Variants in SSBP3 observed in about 807,000 individuals in gnomAD.
SSBP3 encodes single stranded DNA binding protein 3, also known as single-stranded DNA-binding protein 3.
SSBP3 carries 5 observed loss-of-function variants against 69.6 expected under a neutral mutation model. The ratio of observed to expected loss-of-function variants is 0.07; its 90% CI spans 0.04 to 0.15. The LOEUF is 0.15. Among genes scored for constraint, SSBP3 ranks in the 10% least tolerant of loss-of-function variants. SSBP3 has a pLI of 1.00. For synonymous variants in SSBP3, 196 were observed against 193.4 expected, an observed-to-expected ratio of 1.01 and a Z score of -0.11; for missense variants, 312 against 534.0, an observed-to-expected ratio of 0.58 and a Z score of 4.10.
intron 4 of SSBP3, among the ~76,000 whole-genome samples, chr1:54,300,224 CAA>C (rs1229374101): frequency 6.6e-6 from 1 of 152,170 alleles, no homozygotes; most frequent in Non-Finnish European, 1.5e-5. Flanking sequence ...ACAGCAAGAT[CAA>C]ACCCAGGAGA....
intron 4 of SSBP3, among the ~76,000 whole-genome samples, chr1:54,362,997 C>T (rs1020570073): frequency 6.6e-6 from 1 of 152,126 alleles, no homozygotes; most frequent in Non-Finnish European, 1.5e-5. Flanking sequence ...TGTTGTCTTA[C>T]TAAGACTCCA....
chr1:54,233,632 G>T (rs1644429332), intron 14 of SSBP3, among the ~76,000 whole-genome samples: 1 of 149,668 alleles, frequency 6.7e-6, no homozygotes, highest in South Asian at 2.1e-4. Context: ...TCCGGGAGGT[G>T]AGGGGCGCCT....
rs573654976 is a variant in SSBP3 at position 54,305,273 on chromosome 1, C to T, written c.277-23746G>A. On this transcript the variant is annotated intron_variant, in intron 4 of 17. Coordinates refer to ENST00000610401, the Ensembl canonical transcript of SSBP3. ...TTTCTCAGCACAGACCCAGGCCCTG[C>T]CCTTCCCAATATCACTGGTCCTCCA... Among the ~76,000 whole-genome samples, 20 of 152,324 alleles carry T rather than the reference C, an allele frequency of 1.3e-4. 1 individual carries two copies. In the South Asian group the frequency reaches 3.3e-3, roughly 25 times the overall value.
chr1:54,259,537 C>T (rs1466837988), intron 5 of SSBP3, among the ~76,000 whole-genome samples: 1 of 152,228 alleles, frequency 6.6e-6, no homozygotes, highest in Admixed American at 6.5e-5. Context: ...CATGACTGTG[C>T]TGTTTTTTAG....
In SSBP3 at chr1:54,228,435, G is replaced by A. The variant is rs375880369; in HGVS notation, c.1035+14C>T. On this transcript the variant is annotated intron_variant, in intron 16 of 17. Transcript: ENST00000610401. ...CAGATGGGGCGCCGCCAGGGAGACCGAGTGCACACTCACTTTTGGAAGTCC... is the reference window on the plus strand; with the variant it reads ...CAGATGGGGCGCCGCCAGGGAGACCAAGTGCACACTCACTTTTGGAAGTCC... 36 of 1,614,088 alleles carry A rather than the reference G, an allele frequency of 2.2e-5. No homozygotes were observed. The highest frequency in any genetic ancestry group is 2.7e-5 in the Non-Finnish European group (32 of 1,180,052).
chr1:54,242,121 C>T (rs777214793), intron 11 of SSBP3, 43 bp downstream of exon 11: 33 of 1,609,028 alleles, frequency 2.1e-5, no homozygotes, highest in African/African-American at 8.0e-5. Context: ...CACCCAGAAC[C>T]GCTCCCCTGA....
chr1:54,287,318 C>G (rs1003076846), intron 4 of SSBP3: 1 of 152,250 alleles, frequency 6.6e-6, no homozygotes, highest in Non-Finnish European at 1.5e-5. Flanking sequence ...ATACTCAGGC[C>G]TTGGCGTGCA....
chr1:54,369,622 AAGGGC>A (rs1182052586), intron 4 of SSBP3, among the ~76,000 whole-genome samples: 3 of 152,156 alleles, frequency 2.0e-5, no homozygotes, highest in Non-Finnish European at 4.4e-5. Context: ...CTGGCTATAC[AAGGGC>A]AGATGCAAAA....
At chr1:54,315,109 G>A (rs1042762735) in intron 4 of SSBP3, among the ~76,000 whole-genome samples, 12 of 152,108 alleles carry the variant, frequency 7.9e-5, no homozygotes, top group Admixed American at 3.3e-4. Context: ...GTGCCCAGGA[G>A]GCCCCCATAA....
At chr1:54,226,815 C>A (rs1557432585) in exon 18 of SSBP3, 6 of 288,620 alleles carry the variant, frequency 2.1e-5, no homozygotes, top group Middle Eastern at 1.1e-3. Context: ...AAACAAAAAA[C>A]AACAAAAAAG....
At chr1:54,251,484 G>C in intron 9 of SSBP3, 132 bp downstream of exon 9, 2 of 991,322 alleles carry the variant, frequency 2.0e-6, no homozygotes, top group South Asian at 2.9e-5. Flanking sequence ...AGGAGCAGGG[G>C]ATGCGGCCAT....
intron 4 of SSBP3, among the ~76,000 whole-genome samples, chr1:54,362,812 C>T (rs1389268083): frequency 6.6e-6 from 1 of 152,162 alleles, no homozygotes; most frequent in Non-Finnish European, 1.5e-5. Flanking sequence ...GGGATTAGTC[C>T]TGCTTTCAGT....
intron 4 of SSBP3, among the ~76,000 whole-genome samples, chr1:54,346,588 G>A (rs1646694511): frequency 6.6e-6 from 1 of 152,126 alleles, no homozygotes; most frequent in Non-Finnish European, 1.5e-5. Flanking sequence ...GCCAAGGCGG[G>A]TGGATCACGA....
At chr1:54,334,696 G>A (rs1646478744) in intron 4 of SSBP3, among the ~76,000 whole-genome samples, 1 of 152,196 alleles carries the variant, frequency 6.6e-6, no homozygotes, top group Admixed American at 6.5e-5. Context: ...TAGCTATTAG[G>A]ATGAATTATT....
chr1:54,230,374 A>T (rs1570179492), intron 14 of SSBP3, among the ~76,000 whole-genome samples: 3 of 152,340 alleles, frequency 2.0e-5, no homozygotes, highest in South Asian at 4.1e-4. Context: ...GACCCCCAAA[A>T]TCCCCAAACA....
chr1:54,360,693 A>G (rs1646937419), intron 4 of SSBP3, among the ~76,000 whole-genome samples: 2 of 152,166 alleles, frequency 1.3e-5, no homozygotes, highest in South Asian at 2.1e-4. Context: ...CTTAGGACAC[A>G]TGAACTTGGG....
chr1:54,352,656 AG>A (rs1245730777), intron 4 of SSBP3, among the ~76,000 whole-genome samples: 3 of 152,228 alleles, frequency 2.0e-5, no homozygotes, highest in Non-Finnish European at 4.4e-5. Context: ...GATGTGCAGC[AG>A]GAAGAAGCTG....
At chr1:54,367,524 A>G (rs965233914) in intron 4 of SSBP3, among the ~76,000 whole-genome samples, 2 of 152,240 alleles carry the variant, frequency 1.3e-5, no homozygotes, top group African/African-American at 2.4e-5. Flanking sequence ...CCACTGCTCA[A>G]GCAGTGTTGG....
chr1:54,337,033 C>T (rs12041891), intron 4 of SSBP3, among the ~76,000 whole-genome samples: 13,284 of 152,280 alleles, frequency 0.087, 681 homozygotes, highest in South Asian at 0.13. Flanking sequence ...CAGCTCTCAA[C>T]GTCAGCCTCT....
Sources: gnomAD v4.1 joint callset for allele counts (sites outside exome capture counted in the v4.1 genomes callset) on GRCh38, gnomAD v4.1.1 for gene constraint, MANE v1.5 for transcripts, NCBI Gene and HGNC (gene_info 2026-07-23, HGNC 2026-07-21) for gene names.